C3: variants seen among roughly 807,000 people sequenced by gnomAD.
C3 encodes the protein C3 and PZP-like alpha-2-macroglobulin domain-containing protein 1.
Under a neutral mutation model 207.9 loss-of-function variants are expected in C3, and 97 were observed. The ratio of observed to expected loss-of-function variants is 0.47; its 90% CI spans 0.40 to 0.55. The LOEUF is 0.55. Among genes scored for constraint, C3 ranks in the 20% least tolerant of loss-of-function variants. C3 has a pLI of 0.00. For missense variants in C3, 1,684 were observed against 2,171.7 expected, an observed-to-expected ratio of 0.78 and a Z score of 4.46; for synonymous variants, 848 against 857.6, an observed-to-expected ratio of 0.99 and a Z score of 0.20.
intron 4 of C3, among the ~76,000 whole-genome samples, chr19:6,715,661 G>A (rs1968017965): frequency 1.4e-5 from 2 of 141,616 alleles, no homozygotes; most frequent in Non-Finnish European, 3.0e-5. Context: ...TTGCTCTGTC[G>A]CCCAGGCTGG....
At chr19:6,692,148 C>T (rs948341079) in intron 26 of C3, among the ~76,000 whole-genome samples, 2 of 152,114 alleles carry the variant, frequency 1.3e-5, no homozygotes, top group African/African-American at 4.8e-5. Flanking sequence ...CTGTTATCAG[C>T]CTGGAGTGCA....
intron 8 of C3, 38 bp from the exon 9 acceptor site, chr19:6,713,353 C>T: frequency 6.2e-7 from 1 of 1,613,910 alleles, no homozygotes; most frequent in Non-Finnish European, 8.5e-7. Flanking sequence ...GGGGAGCGGG[C>T]TCAGAGGTGG....
At position 6,719,487 on chromosome 19, in the gene C3, T is replaced by C; in HGVS notation, c.75-84A>G. The C allele has an allele frequency of 7.9e-7, 1 of 1,268,674 alleles. No homozygotes were observed. Among genetic ancestry groups the C allele is most frequent in the Non-Finnish European group, 1.1e-6 (1 of 882,430 alleles). The allele number at this position is 1,268,674 out of a possible 1,614,324, so 78.6% of individuals were successfully genotyped here. A position where few individuals can be genotyped will look rare whatever the true frequency, so the allele number is the denominator to read the frequency against. On this transcript the variant is annotated intron_variant, in intron 1 of 40. Transcript: ENST00000245907. The surrounding 1 kb of genome is among the most constrained non-coding windows in gnomAD (Gnocchi z 5.4). ...TCACTGGAGTCAGCGCCTGGCAGGCTGTGTGCCCCAGCCTCTGGTCCTGGA... is the reference window on the plus strand; with the variant it reads ...TCACTGGAGTCAGCGCCTGGCAGGCCGTGTGCCCCAGCCTCTGGTCCTGGA...
intron 18 of C3, 27 bp from the exon 19 acceptor site, chr19:6,702,239 A>G: frequency 7.2e-7 from 1 of 1,392,902 alleles, no homozygotes. Context: ...TTGGGGTATT[A>G]GGAGATGTCA....
At chr19:6,680,682 A>C (rs1917836785) in intron 35 of C3, among the ~76,000 whole-genome samples, 1 of 152,168 alleles carries the variant, frequency 6.6e-6, no homozygotes, top group South Asian at 2.1e-4. Context: ...ATGAGTGAGA[A>C]ATACAAGTCT....
At chr19:6,679,599 T>G (rs1917809325) in intron 36 of C3, 103 bp from the exon 37 acceptor site, 2 of 814,308 alleles carry the variant, frequency 2.5e-6, no homozygotes, top group African/African-American at 3.3e-5. Context: ...GACCTGGAGA[T>G]GCTAGGTCTT....
At chr19:6,702,368 T>C in intron 18 of C3, 103 bp downstream of exon 18, 1 of 997,040 alleles carries the variant, frequency 1.0e-6, no homozygotes, top group East Asian at 2.4e-5. Context: ...GGTTGGGCTG[T>C]GGGGTTGCAC....
chr19:6,682,111 C>CCCCTT (rs781706996), intron 34 of C3, 31 bp downstream of exon 34: 3 of 1,608,338 alleles, frequency 1.9e-6, no homozygotes, highest in African/African-American at 2.7e-5. Flanking sequence ...AGGCTCCTTT[C>CCCCTT]CACTTATCCC....
intron 17 of C3, 111 bp from the exon 18 acceptor site, chr19:6,702,690 G>T (rs1967700597): frequency 1.3e-6 from 1 of 779,740 alleles, no homozygotes; most frequent in East Asian, 2.5e-5. Context: ...TTGAGGCCAG[G>T]AGTTGGAGAC....
In C3 at chr19:6,719,794, TC is replaced by T. The variant is rs1968126280; in HGVS notation, c.75-392del. The stretch of plus-strand genomic sequence containing the variant: ...CCTAAACCTCTACCTCTCTAAACAC[TC>T]CAAATATGTAAACACTCAAACTCCC... On this transcript the variant is annotated intron_variant, in intron 1 of 40. Coordinates refer to ENST00000245907, the MANE Select transcript of C3 (RefSeq NM_000064.4). The surrounding 1 kb of genome is among the most constrained non-coding windows in gnomAD (Gnocchi z 5.4). Among the ~76,000 whole-genome samples, 1 of 151,546 alleles carries T rather than the reference TC, an allele frequency of 6.6e-6. No individual in the cohort carries two copies. The highest frequency in any genetic ancestry group is 1.5e-5 in the Non-Finnish European group (1 of 67,928).
At position 6,697,376 on chromosome 19, in the gene C3, T is replaced by C; in HGVS notation, c.2764A>G (p.Ser922Gly). ...VKAAVYHHFISDGVRKSLKVV... is the reference protein window; with the variant it reads ...VKAAVYHHFIGDGVRKSLKVV... Reference sequence around the variant, plus strand: ...TTCAGGGACTTCCTGACACCGTCACTGATGAAATGATGGTAGACAGCAGCC... The same window carrying C: ...TTCAGGGACTTCCTGACACCGTCACCGATGAAATGATGGTAGACAGCAGCC... Residue 922 changes from serine to glycine, a missense_variant, in exon 21 of 41, where the codon AGT becomes GGT. By Grantham distance (56) the Ser-to-Gly change is moderately conservative. Around this residue, in one of 3 missense-constraint regions of C3, gnomAD observed 1,280 missense variants for 1,739.1 expected, o/e 0.74. Coordinates refer to ENST00000245907, the MANE Select transcript of C3 (RefSeq NM_000064.4). 1.2e-6 allele frequency: 2 copies of C among 1,614,072 alleles called. No individual in the cohort carries two copies. Among genetic ancestry groups the C allele is most frequent in the Non-Finnish European group, 1.7e-6 (2 of 1,180,008 alleles).
intron 29 of C3, 148 bp from the exon 30 acceptor site, chr19:6,685,294 T>C: frequency 2.7e-6 from 2 of 735,702 alleles, no homozygotes; most frequent in East Asian, 2.7e-5. Context: ...TAACTGGAGG[T>C]CACTGGACTC....
Position 6,712,541 on chromosome 19 carries a change from C to T in C3, c.1086G>A (p.Lys362=), listed in dbSNP as rs1599524146. 1.9e-6 allele frequency: 3 copies of T among 1,614,172 alleles called. No individual in the cohort carries two copies. Among genetic ancestry groups the T allele is most frequent in the Non-Finnish European group, 2.5e-6 (3 of 1,180,016 alleles). ...PYQIHFTKTP[K]YFKPGMPFDL... Reference sequence around the variant, plus strand: ...CAAAGGGCATTCCTGGTTTGAAGTACTTGGGTGTCTTGGTGAAGTGGATCT... The same window carrying T: ...CAAAGGGCATTCCTGGTTTGAAGTATTTGGGTGTCTTGGTGAAGTGGATCT... Residue 362 remains lysine (K), a synonymous_variant, in exon 10 of 41, where the codon AAG becomes AAA. Transcript: ENST00000245907.
At position 6,694,602 on chromosome 19, in the gene C3, C is replaced by T. The variant is rs759285914; in HGVS notation, c.2983G>A (p.Val995Ile). The T allele has an allele frequency of 1.2e-5, 20 of 1,613,448 alleles. No homozygotes were observed. Among genetic ancestry groups the T allele is most frequent in the East Asian group, 1.1e-4 (5 of 44,888 alleles). The stretch of plus-strand genomic sequence containing the variant: ...AGGTGCTTCAGCCGTTCCGCGTCGA[C>T]GGCATCCTCTGTCATCTGGGCCACT... ...TPVAQMTEDA[V>I]DAERLKHLIV... The change falls in exon 24 of 41, where the codon GTC (valine) becomes ATC (isoleucine). Residue 995 changes from valine (V) to isoleucine (I), a missense_variant. Val to Ile is a conservative substitution (Grantham distance 29). Around this residue, in one of 3 missense-constraint regions of C3, gnomAD observed 1,280 missense variants for 1,739.1 expected, o/e 0.74. Transcript: ENST00000245907.
chr19:6,689,756 C>A (rs1289726893), intron 27 of C3, among the ~76,000 whole-genome samples: 4 of 151,766 alleles, frequency 2.6e-5, no homozygotes, highest in Non-Finnish European at 4.4e-5. Flanking sequence ...CCACGCCAGG[C>A]AGATCACCTG....
chr19:6,702,090 C>T, intron 19 of C3, 37 bp downstream of exon 19: 1 of 1,120,874 alleles, frequency 8.9e-7, no homozygotes. Context: ...ACCCTGGGGT[C>T]CCTGCCTCCC....
In C3 at chr19:6,709,688, C is replaced by G; in HGVS notation, c.1841G>C (p.Ser614Thr). ...VLNKKNKLTQ[S>T]KIWDVVEKAD... is the part of the protein sequence containing the mutation. ...CCTTGGGTCACTGGCCCTTACCTTA[C>G]TCTGCGTCAGTTTGTTCTTCTTATT... Residue 614 changes from serine to threonine, a missense_variant, in exon 14 of 41, where the codon AGT becomes ACT. This residue lies in a region of C3 where 1,280 missense variants were observed against 1,739.1 expected (regional missense o/e 0.74). Coordinates refer to ENST00000245907, the MANE Select transcript of C3 (RefSeq NM_000064.4). 1 of 1,558,930 alleles carries G rather than the reference C, an allele frequency of 6.4e-7. No homozygotes were observed. Among genetic ancestry groups the G allele is most frequent in the Middle Eastern group, 1.7e-4 (1 of 5,762 alleles).
rs10659507 is a variant in C3 at position 6,708,096 on chromosome 19, T to TTCTC, written c.1846-171_1846-168dup. Among the ~76,000 whole-genome samples the TTCTC allele has an allele frequency of 0.7, 104,510 of 150,264 alleles. 36,740 individuals are homozygous for TTCTC. Among genetic ancestry groups the TTCTC allele is most frequent in the East Asian group, 0.78 (3,927 of 5,038 alleles). On this transcript the variant is annotated intron_variant, in intron 14 of 40. Coordinates refer to ENST00000245907, the MANE Select transcript of C3 (RefSeq NM_000064.4). ...TTTCTCTTTCTCTTTCCTTCCTTCCTTCTCTCTCCTTCCTTCTCTTTTTCT... is the reference window on the plus strand; with the variant it reads ...TTTCTCTTTCTCTTTCCTTCCTTCCTTCTCTCTCTCTCCTTCCTTCTCTTTTTCT...
In C3 at chr19:6,719,185, C is replaced by A. The variant is rs778432122; in HGVS notation, c.267+26G>T. On this transcript the variant is annotated intron_variant, in intron 2 of 40. Transcript: ENST00000245907. This position sits in a 1 kb window ranked among gnomAD's most constrained non-coding sequence, Gnocchi z 5.4. ...AGTGGGCGTGGCTGTGGGTGTCAGC[C>A]GGGTCCTGCGCCAGTCTGCACTCAC... 1.2e-6 allele frequency: 2 copies of A among 1,609,380 alleles called. No individual in the cohort carries two copies. Among genetic ancestry groups the A allele is most frequent in the South Asian group, 1.1e-5 (1 of 90,982 alleles).
Sources: gnomAD v4.1 joint callset for allele counts (sites outside exome capture counted in the v4.1 genomes callset) on GRCh38, gnomAD v4.1.1 for gene constraint, gnomAD v4.1.1 regional missense constraint, Gnocchi (gnomAD v3.1) non-coding constraint, MANE v1.5 for transcripts, NCBI Gene and HGNC (gene_info 2026-07-23, HGNC 2026-07-21) for gene names.